ACOT7: variants seen among roughly 807,000 people sequenced by gnomAD.
The protein encoded by ACOT7 is cytosolic acyl coenzyme A thioester hydrolase.
Under a neutral mutation model 40.2 loss-of-function variants are expected in ACOT7, and 12 were observed. That is an observed-to-expected ratio of 0.30 (90% CI 0.19 to 0.48). The LOEUF (loss-of-function observed/expected upper bound fraction) is 0.48. Ranked by LOEUF, ACOT7 falls within the 20% of genes least tolerant of loss-of-function variation. The pLI is 0.99. For missense variants in ACOT7, 395 were observed against 530.8 expected (o/e 0.74, Z 2.51); for synonymous variants, 228 against 219.5 (o/e 1.04, Z -0.34).
intron 5 of ACOT7, among the ~76,000 whole-genome samples, chr1:6,319,808 G>A (rs1278812539): frequency 2.6e-5 from 4 of 152,246 alleles, no homozygotes; most frequent in Admixed American, 6.5e-5. Flanking sequence ...GTTGGGATCC[G>A]CCTTTCTGGG....
At chr1:6,297,158 C>T (rs1639834046) in intron 6 of ACOT7, among the ~76,000 whole-genome samples, 1 of 152,122 alleles carries the variant, frequency 6.6e-6, no homozygotes, top group Non-Finnish European at 1.5e-5. Flanking sequence ...CCTGCCTCCG[C>T]CTCCTAGTAG....
intron 1 of ACOT7, among the ~76,000 whole-genome samples, chr1:6,389,786 AAAAAG>A (rs1169457542): frequency 1.3e-5 from 2 of 151,756 alleles, no homozygotes; most frequent in Admixed American, 6.6e-5. Flanking sequence ...AAAAAAAAAA[AAAAAG>A]AAAGAAAAAA....
In ACOT7 at chr1:6,338,153, C is replaced by T. The variant is rs1288966082; in HGVS notation, c.418+1280G>A. Among the ~76,000 whole-genome samples, 1 of 152,148 alleles carries T rather than the reference C, an allele frequency of 6.6e-6. No individual in the cohort carries two copies. The highest frequency in any genetic ancestry group is 6.5e-5 in the Admixed American group (1 of 15,278). On this transcript the variant is annotated intron_variant, in intron 3 of 8. Transcript: ENST00000361521. The surrounding 1 kb of genome is among the most constrained non-coding windows in gnomAD (Gnocchi z 4.4). ...TTGAAGCCACCAACTCCTGCAATGA[C>T]AAAGGGCACTGCTGACTGGGCCCTC...
At chr1:6,362,040 C>T (rs948541937) in intron 1 of ACOT7, among the ~76,000 whole-genome samples, 1 of 152,238 alleles carries the variant, frequency 6.6e-6, no homozygotes, top group Non-Finnish European at 1.5e-5. Context: ...AGGCTGTGAG[C>T]ATCCCTAAAA....
In ACOT7 at chr1:6,306,967, T is replaced by TC; in HGVS notation, c.712+11524dup. On this transcript the variant is annotated intron_variant, in intron 6 of 8. Transcript: ENST00000361521. The surrounding 1 kb of genome is among the most constrained non-coding windows in gnomAD (Gnocchi z 4.3). ...CGTCTTGGTGGAGGCCTCACTTGCG[T>TC]CCCCTCCCATGTTTTCTCTGCCTTC... is the stretch of plus-strand genomic sequence containing the variant. 8.0e-7 allele frequency: 1 copy of TC among 1,256,620 alleles called. No homozygotes were observed. Among genetic ancestry groups the TC allele is most frequent in the Non-Finnish European group, 1.0e-6 (1 of 959,962 alleles). 77.8% of individuals were successfully genotyped at this position (1,256,620 alleles called of 1,614,324 possible). A position where few individuals can be genotyped will look rare whatever the true frequency, so the allele number is the denominator to read the frequency against.
Position 6,353,939 on chromosome 1 carries a change from C to T in ACOT7, c.144-4073G>A, listed in dbSNP as rs893843431. Among the ~76,000 whole-genome samples the T allele has an allele frequency of 7.2e-5, 11 of 152,314 alleles. No individual in the cohort carries two copies. The East Asian group carries it at 9.7e-4, about 13-fold the overall frequency. On this transcript the variant is annotated intron_variant, in intron 1 of 8. Coordinates refer to ENST00000361521, the MANE Select transcript of ACOT7 (RefSeq NM_007274.4). ...TCTGGGCCTGGCCCCAAACATCCCC[C>T]GCTCTATCTTCTGCCTGCCGGGTCC...
chr1:6,295,018 G>T, intron 6 of ACOT7, 38 bp from the exon 7 acceptor site: 1 of 1,493,912 alleles, frequency 6.7e-7, no homozygotes, highest in South Asian at 1.1e-5. Context: ...GAGACACGGA[G>T]GCAGAGGAGA....
chr1:6,328,326 A>AGG (rs1180014867), intron 4 of ACOT7, among the ~76,000 whole-genome samples: 1 of 152,152 alleles, frequency 6.6e-6, no homozygotes, highest in Admixed American at 6.5e-5. Context: ...AATGAATCAC[A>AGG]GGGGTTTTGA....
chr1:6,306,300 T>C lies in ACOT7; in HGVS notation c.713-11320A>G, dbSNP rs1640155879. On this transcript the variant is annotated intron_variant, in intron 6 of 8. Coordinates refer to ENST00000361521, the MANE Select transcript of ACOT7 (RefSeq NM_007274.4). The surrounding 1 kb of genome is among the most constrained non-coding windows in gnomAD (Gnocchi z 4.3). ...CTCCATATTTCTGGAAAGGGGTCAG[T>C]GCCCCATGATTTGAGAGGGATGACG... 5 of 985,084 alleles carry C rather than the reference T, an allele frequency of 5.1e-6. No individual in the cohort carries two copies. In the South Asian group the frequency reaches 1.9e-4, roughly 37 times the overall value. The allele number at this position is 985,084 out of a possible 1,614,324, so 61.0% of individuals were successfully genotyped here. A position where few individuals can be genotyped will look rare whatever the true frequency, so the allele number is the denominator to read the frequency against.
In ACOT7 at chr1:6,368,531, ATCATGCTGCT is replaced by A. The variant is rs541368871; in HGVS notation, c.144-18675_144-18666del. On this transcript the variant is annotated intron_variant, in intron 1 of 8. Coordinates refer to ENST00000361521, the MANE Select transcript of ACOT7 (RefSeq NM_007274.4). Reference sequence around the variant, plus strand: ...CTCTCTGCCCGCACCTCCATGCCCAATCATGCTGCTTCCCCACCAGCAGGCAACTCAGCCT... The same window carrying A: ...CTCTCTGCCCGCACCTCCATGCCCAATCCCCACCAGCAGGCAACTCAGCCT... 3.7e-3 allele frequency among the ~76,000 whole-genome samples: 568 copies of A among 152,158 alleles called. 3 individuals carry two copies. Among genetic ancestry groups the A allele is most frequent in the African/African-American group, 0.013 (548 of 41,518 alleles).
At chr1:6,365,527 T>G (rs1488436709) in intron 1 of ACOT7, among the ~76,000 whole-genome samples, 1 of 152,128 alleles carries the variant, frequency 6.6e-6, no homozygotes, top group African/African-American at 2.4e-5. Flanking sequence ...CCCAGCACTT[T>G]GGGAGGCCAA....
At position 6,294,427 on chromosome 1, in the gene ACOT7, G is replaced by A. The variant is rs925258247; in HGVS notation, c.829+437C>T. Among the ~76,000 whole-genome samples, 3 of 152,232 alleles carry A rather than the reference G, an allele frequency of 2.0e-5. No homozygotes were observed. The highest frequency in any genetic ancestry group is 4.8e-5 in the African/African-American group (2 of 41,466). On this transcript the variant is annotated intron_variant, in intron 7 of 8. Coordinates refer to ENST00000361521, the MANE Select transcript of ACOT7 (RefSeq NM_007274.4). This position sits in a 1 kb window ranked among gnomAD's most constrained non-coding sequence, Gnocchi z 4.6. ...CAATGCCAGTGCTGCCCTGGGTGGC[G>A]TGGGCAGGGCTGGCCGAGGAGGGGC...
At chr1:6,287,161 G>A (rs1028487064) in intron 7 of ACOT7, among the ~76,000 whole-genome samples, 18 of 152,250 alleles carry the variant, frequency 1.2e-4, no homozygotes, top group African/African-American at 4.8e-5. Flanking sequence ...CAGTCACTCC[G>A]CAGTCCAGGG....
chr1:6,360,852 A>G, intron 1 of ACOT7: 1 of 1,102,792 alleles, frequency 9.1e-7, no homozygotes, highest in East Asian at 2.6e-5. Context: ...ATCAGTGAGG[A>G]CCTACCAGGC....
chr1:6,333,873 G>C (rs531502036), intron 3 of ACOT7, among the ~76,000 whole-genome samples: 1 of 152,220 alleles, frequency 6.6e-6, no homozygotes, highest in East Asian at 1.9e-4. Context: ...AAACTGGCTT[G>C]AGCTCAGGAC....
intron 1 of ACOT7, among the ~76,000 whole-genome samples, chr1:6,357,709 T>C (rs575642167): frequency 3.9e-5 from 6 of 152,184 alleles, no homozygotes; most frequent in East Asian, 1.9e-4. Flanking sequence ...GGTCTCCTTA[T>C]GGCATGGGGG....
intron 8 of ACOT7, among the ~76,000 whole-genome samples, chr1:6,271,158 A>G (rs74802092): frequency 0.028 from 4,224 of 152,304 alleles, 194 homozygotes; most frequent in African/African-American, 0.097. Context: ...TTTCAGAGCC[A>G]AGTGCTGCAA....
At chr1:6,375,349 A>C (rs541822130) in intron 1 of ACOT7, among the ~76,000 whole-genome samples, 2 of 151,738 alleles carry the variant, frequency 1.3e-5, no homozygotes, top group South Asian at 2.1e-4. Context: ...ACTTGTATCT[A>C]AAATATACAA....
chr1:6,385,518 G>T, intron 1 of ACOT7: 1 of 1,611,938 alleles, frequency 6.2e-7, no homozygotes, highest in Non-Finnish European at 8.5e-7. Flanking sequence ...GGCTCCACAG[G>T]GTGGGAGATC....
Sources: gnomAD v4.1 joint callset for allele counts (sites outside exome capture counted in the v4.1 genomes callset) on GRCh38, gnomAD v4.1.1 for gene constraint, Gnocchi (gnomAD v3.1) non-coding constraint, MANE v1.5 for transcripts, NCBI Gene and HGNC (gene_info 2026-07-23, HGNC 2026-07-21) for gene names.